Variants in SLC8A1 observed in about 807,000 individuals in gnomAD.
SLC8A1 encodes sodium/calcium exchanger 1.
Under a neutral mutation model 68.3 loss-of-function variants are expected in SLC8A1, and 18 were observed. The observed-to-expected ratio is 0.26, with a 90% CI of 0.18 to 0.39. SLC8A1 has a LOEUF of 0.39. Ranked by LOEUF, SLC8A1 falls within the 10% of genes least tolerant of loss-of-function variation. SLC8A1 has a pLI of 1.00. For synonymous variants in SLC8A1, 475 were observed against 415.5 expected (o/e 1.14, Z -1.74); for missense variants, 985 against 1,156.7 (o/e 0.85, Z 2.15).
chr2:40,234,688 G>C (rs1190970584), intron 2 of SLC8A1, among the ~76,000 whole-genome samples: 2 of 152,166 alleles, frequency 1.3e-5, no homozygotes, highest in African/African-American at 2.4e-5. Context: ...AGTTTTCAAA[G>C]GGAATGCTTC....
intron 2 of SLC8A1, among the ~76,000 whole-genome samples, chr2:40,412,899 TTGC>T (rs1692612164): frequency 6.6e-6 from 1 of 152,170 alleles, no homozygotes; most frequent in Non-Finnish European, 1.5e-5. Flanking sequence ...CTGGTTATCA[TTGC>T]TGATTTTTTT....
At chr2:40,227,257 A>G (rs1368850880) in intron 2 of SLC8A1, among the ~76,000 whole-genome samples, 1 of 67,120 alleles carries the variant, frequency 1.5e-5, no homozygotes, top group Non-Finnish European at 4.3e-5. Context: ...AAAACAGGGG[A>G]CCTATCTATC....
At chr2:40,240,834 T>C (rs56410612) in intron 2 of SLC8A1, among the ~76,000 whole-genome samples, 81,585 of 151,922 alleles carry the variant, frequency 0.54, 22,994 homozygotes, top group Non-Finnish European at 0.64. Flanking sequence ...ACCATGATCA[T>C]TGCCATTGCA....
At chr2:40,393,922 C>A (rs568168642) in intron 2 of SLC8A1, among the ~76,000 whole-genome samples, 3 of 152,202 alleles carry the variant, frequency 2.0e-5, no homozygotes, top group South Asian at 2.1e-4. Flanking sequence ...AAATACCCCA[C>A]CACAAGCCCT....
intron 2 of SLC8A1, among the ~76,000 whole-genome samples, chr2:40,183,921 C>T (rs537652973): frequency 1.3e-5 from 2 of 152,144 alleles, no homozygotes; most frequent in South Asian, 4.2e-4. Context: ...TTTGAGAGAT[C>T]GAGGTGGGAG....
chr2:40,170,250 T>C, intron 4 of SLC8A1, 31 bp downstream of exon 7: 1 of 1,595,412 alleles, frequency 6.3e-7, no homozygotes, highest in Non-Finnish European at 8.6e-7. Context: ...TGGGAGGCTG[T>C]GGTTTTCAAG....
chr2:40,427,879 A>C (rs1697291339), intron 2 of SLC8A1, among the ~76,000 whole-genome samples: 2 of 152,204 alleles, frequency 1.3e-5, no homozygotes, highest in African/African-American at 4.8e-5. Flanking sequence ...CCATGTTGGC[A>C]TAACACTGAA....
intron 7 of SLC8A1, among the ~76,000 whole-genome samples, chr2:40,135,544 CCTCT>C (rs1558483643): frequency 6.6e-6 from 1 of 152,030 alleles, no homozygotes; most frequent in Non-Finnish European, 1.5e-5. Flanking sequence ...ACGGTGAAAT[CCTCT>C]CTCTACTAAA....
rs1703369891 is a variant in SLC8A1, at chr2:40,462,001, C to CTTTTTTTTTTTTTTTTCTTTTTTTTTTT, written c.-24-31698_-24-31697insAAAAAAAAAAAGAAAAAAAAAAAAAAAA. Reference sequence around the variant, plus strand: ...CCTCTCATTTTAAAGTAAAATCCTCCTTTTTTTTTTTTTTTTTTTTTTTGA... The same window carrying CTTTTTTTTTTTTTTTTCTTTTTTTTTTT: ...CCTCTCATTTTAAAGTAAAATCCTCCTTTTTTTTTTTTTTTTCTTTTTTTTTTTTTTTTTTTTTTTTTTTTTTTTTTGA... On this transcript the variant is annotated intron_variant, in intron 1 of 7. Transcript: ENST00000402441. Among the ~76,000 whole-genome samples, 2 of 66,176 alleles carry CTTTTTTTTTTTTTTTTCTTTTTTTTTTT rather than the reference C, an allele frequency of 3.0e-5. 1 individual carries two copies. Among genetic ancestry groups the CTTTTTTTTTTTTTTTTCTTTTTTTTTTT allele is most frequent in the African/African-American group, 1.2e-4 (2 of 16,472 alleles). 43.4% of individuals were successfully genotyped at this position (66,176 alleles called of 152,430 possible).
intron 1 of SLC8A1, among the ~76,000 whole-genome samples, chr2:40,486,129 C>A (rs375110672): frequency 1.2e-4 from 18 of 152,132 alleles, no homozygotes; most frequent in Admixed American, 3.9e-4. Flanking sequence ...GGCTTTCCCC[C>A]CTTTGCTCAG....
chr2:40,243,968 G>A (rs1196179651), intron 2 of SLC8A1, among the ~76,000 whole-genome samples: 2 of 152,138 alleles, frequency 1.3e-5, no homozygotes, highest in African/African-American at 4.8e-5. Flanking sequence ...ATAGCTTCTA[G>A]GGAGACTGTG....
intron 2 of SLC8A1, among the ~76,000 whole-genome samples, chr2:40,293,128 A>C (rs2069643243): frequency 6.6e-6 from 1 of 151,952 alleles, no homozygotes; most frequent in African/African-American, 2.4e-5. Flanking sequence ...TCCACTGTTC[A>C]TTTGCCTGAA....
chr2:40,190,794 C>T (rs1468937047), intron 2 of SLC8A1: 3 of 151,976 alleles, frequency 2.0e-5, no homozygotes, highest in Non-Finnish European at 4.4e-5. Context: ...AAAATCAACC[C>T]CTAGTCTTAT....
intron 2 of SLC8A1, among the ~76,000 whole-genome samples, chr2:40,334,266 G>A (rs754286926): frequency 2.6e-5 from 4 of 152,068 alleles, no homozygotes; most frequent in Non-Finnish European, 5.9e-5. Context: ...TATCAATGGA[G>A]GAAAGAAAAA....
chr2:40,357,073 G>C (rs974976513), intron 2 of SLC8A1, among the ~76,000 whole-genome samples: 1 of 152,182 alleles, frequency 6.6e-6, no homozygotes, highest in Non-Finnish European at 1.5e-5. Context: ...TACGAATGTA[G>C]ATATAGTAGG....
intron 2 of SLC8A1, among the ~76,000 whole-genome samples, chr2:40,395,653 A>C (rs1220240605): frequency 1.3e-5 from 2 of 152,174 alleles, no homozygotes; most frequent in African/African-American, 2.4e-5. Context: ...AGTGGAAGAG[A>C]AAGAAAAACT....
chr2:40,175,974 A>T, intron 3 of SLC8A1: 4 of 450,640 alleles, frequency 8.9e-6, no homozygotes, highest in South Asian at 6.3e-5. Context: ...ATTATTAGAT[A>T]ACCAGAATCC....
chr2:40,429,594 A>G, exon 2 of SLC8A1: 13 of 1,613,780 alleles, frequency 8.1e-6, no homozygotes, highest in Non-Finnish European at 1.1e-5. Context: ...AGACCTCCAC[A>G]ACACCAGGAG....
At chr2:40,416,653 A>G (rs1576315408) in intron 2 of SLC8A1, among the ~76,000 whole-genome samples, 1 of 152,104 alleles carries the variant, frequency 6.6e-6, no homozygotes, top group Non-Finnish European at 1.5e-5. Flanking sequence ...GAAATGACTC[A>G]CCCAAAGCTG....
Sources: allele counts gnomAD v4.1 joint callset (sites outside exome capture counted in the v4.1 genomes callset), GRCh38; gene constraint gnomAD v4.1.1; transcripts MANE v1.5; gene names NCBI Gene and HGNC (gene_info 2026-07-23, HGNC 2026-07-21).